The following DNAJB4 variants were observed in gnomAD, a reference collection of about 807,000 sequenced individuals.
The protein encoded by DNAJB4 is dnaJ homolog subfamily B member 4.
Under a neutral mutation model 26.6 loss-of-function variants are expected in DNAJB4, and 10 were observed. The ratio of observed to expected loss-of-function variants is 0.38; its 90% CI spans 0.23 to 0.64. DNAJB4 has a LOEUF of 0.64. Ranked by LOEUF, DNAJB4 falls within the 30% of genes least tolerant of loss-of-function variation. DNAJB4 has a pLI of 0.58. For synonymous variants in DNAJB4, 136 were observed against 134.8 expected (o/e 1.01, Z -0.06); for missense variants, 328 against 408.2 (o/e 0.80, Z 1.69).
At position 78,005,338 on chromosome 1, in the gene DNAJB4, T is replaced by C; in HGVS notation, c.211+17T>C. ...GGGAGGAAGGTAAGTATTCTCTGTATATCTTTCTGTCTCTTCAGCTCTGTC... is the reference window on the plus strand; with the variant it reads ...GGGAGGAAGGTAAGTATTCTCTGTACATCTTTCTGTCTCTTCAGCTCTGTC... On this transcript the variant is annotated intron_variant, in intron 1 of 2. Transcript: ENST00000370763. 6.3e-7 allele frequency: 1 copy of C among 1,587,950 alleles called. No individual in the cohort carries two copies. The highest frequency in any genetic ancestry group is 8.6e-7 in the Non-Finnish European group (1 of 1,169,172).
intron 1 of DNAJB4, 81 bp from the exon 2 acceptor site, chr1:78,012,970 T>C (rs1038219581): frequency 1.5e-6 from 2 of 1,303,380 alleles, no homozygotes; most frequent in African/African-American, 3.0e-5. Context: ...TTAGCCAAAA[T>C]TTATTAGCAA....
chr1:78,013,007 A>G (rs1660531977), intron 1 of DNAJB4, 44 bp from the exon 2 acceptor site: 1 of 1,496,184 alleles, frequency 6.7e-7, no homozygotes, highest in African/African-American at 1.4e-5. Flanking sequence ...TTAACTTTTA[A>G]GAGTTGCAAG....
chr1:78,007,045 C>A (rs1376785534), intron 1 of DNAJB4, among the ~76,000 whole-genome samples: 1 of 152,110 alleles, frequency 6.6e-6, no homozygotes, highest in East Asian at 1.9e-4. Context: ...CTTGATTTAA[C>A]ATTATCTCTT....
rs1052474896 is a variant in DNAJB4, at chr1:77,999,384, C to T, written c.-31-5696C>T. Among the ~76,000 whole-genome samples, 3 of 150,488 alleles carry T rather than the reference C, an allele frequency of 2.0e-5. No individual in the cohort carries two copies. In the East Asian group the frequency reaches 5.8e-4, roughly 29 times the overall value. On this transcript the variant is annotated intron_variant, in intron 1 of 2. Coordinates refer to the DNAJB4 transcript ENST00000426517. ...AAAGCATATGGAAGTATTTTATAAA[C>T]TGTAAAGTATTATATAAATGTTATT...
At chr1:78,010,441 A>G (rs537561348) in intron 1 of DNAJB4, among the ~76,000 whole-genome samples, 1 of 152,322 alleles carries the variant, frequency 6.6e-6, no homozygotes, top group African/African-American at 2.4e-5. Flanking sequence ...TACTACTAAA[A>G]TTTATAAAAG....
upstream of DNAJB4, among the ~76,000 whole-genome samples, chr1:78,001,699 T>A (rs1333041102): frequency 2.6e-5 from 4 of 152,202 alleles, no homozygotes; most frequent in Non-Finnish European, 5.9e-5. Context: ...TTTAAAAAAA[T>A]TAGTTTTTAG....
At chr1:77,999,430 G>GTTT (rs35421680) in intron 1 of DNAJB4, among the ~76,000 whole-genome samples, 2 of 145,138 alleles carry the variant, frequency 1.4e-5, no homozygotes, top group Admixed American at 6.9e-5. Context: ...CATAGAACAG[G>GTTT]TTTTTTTTTT....
In DNAJB4 at chr1:77,992,017, TA is replaced by T. The variant is rs1375872973; in HGVS notation, c.-32+11696del. ...CAGGAACCTAACACTGTATTTCCCT[TA>T]GGGGCAGTGATTCACTATTCTCTAA... is the stretch of plus-strand genomic sequence containing the variant. On this transcript the variant is annotated intron_variant, in intron 1 of 2. Coordinates refer to the DNAJB4 transcript ENST00000426517. Among the ~76,000 whole-genome samples the T allele has an allele frequency of 3.9e-5, 6 of 152,306 alleles. No homozygotes were observed. In the East Asian group the frequency reaches 1.2e-3, roughly 29 times the overall value.
intron 1 of DNAJB4, among the ~76,000 whole-genome samples, chr1:77,997,891 G>A (rs911017267): frequency 3.3e-5 from 5 of 152,032 alleles, no homozygotes; most frequent in African/African-American, 1.2e-4. Flanking sequence ...AGGCCCAAAT[G>A]ATCCTTTCAC....
intron 2 of DNAJB4, among the ~76,000 whole-genome samples, chr1:78,015,395 C>G (rs915464112): frequency 6.6e-6 from 1 of 151,566 alleles, no homozygotes; most frequent in Admixed American, 6.6e-5. Flanking sequence ...CCATGTCATT[C>G]CAGGGCAATG....
chr1:77,980,741 G>C (rs1659585479), intron 1 of DNAJB4, among the ~76,000 whole-genome samples: 1 of 152,082 alleles, frequency 6.6e-6, no homozygotes, highest in Non-Finnish European at 1.5e-5. Context: ...ATTTGCTTAA[G>C]CACCAAAATA....
At chr1:78,000,424 AAGTCCAAGGTCTTAC>A (rs1453008496), upstream of DNAJB4, among the ~76,000 whole-genome samples, 3 of 152,182 alleles carry the variant, frequency 2.0e-5, no homozygotes, top group African/African-American at 7.2e-5. Context: ...AGAGAGATTT[AAGTCCAAGGTCTTAC>A]AGCTGTAAGT....
In DNAJB4 at chr1:78,005,102, G is replaced by A; in HGVS notation, c.-9G>A. 2.5e-6 allele frequency: 4 copies of A among 1,609,350 alleles called. No individual in the cohort carries two copies. The highest frequency in any genetic ancestry group is 3.4e-6 in the Non-Finnish European group (4 of 1,178,102). On this transcript the variant is annotated 5_prime_UTR_variant, in exon 1 of 3. Coordinates refer to ENST00000370763, the MANE Select transcript of DNAJB4 (RefSeq NM_007034.5). Reference sequence around the variant, plus strand: ...AAGGGAAATCTAAGTTAATTTCAAGGCATTCGAAATGGGGAAAGACTATTA... The same window carrying A: ...AAGGGAAATCTAAGTTAATTTCAAGACATTCGAAATGGGGAAAGACTATTA...
chr1:78,015,969 T>G, intron 2 of DNAJB4, 45 bp from the exon 3 acceptor site: 35 of 1,523,758 alleles, frequency 2.3e-5, no homozygotes, highest in Non-Finnish European at 3.0e-5. Context: ...CTTAGATTTT[T>G]GAGTTTTGAA....
upstream of DNAJB4, among the ~76,000 whole-genome samples, chr1:78,003,250 TA>T (rs1235469765): frequency 6.6e-6 from 1 of 152,194 alleles, no homozygotes; most frequent in Non-Finnish European, 1.5e-5. Flanking sequence ...GGTGACTGGA[TA>T]TTAGCATTTT....
At chr1:77,992,427 A>G (rs1659954018) in intron 1 of DNAJB4, among the ~76,000 whole-genome samples, 1 of 150,398 alleles carries the variant, frequency 6.6e-6, no homozygotes, top group Non-Finnish European at 1.5e-5. Flanking sequence ...AAAAAAAAAA[A>G]AAAAAAAAAA....
intron 1 of DNAJB4, among the ~76,000 whole-genome samples, chr1:77,999,855 C>T (rs1660150628): frequency 6.6e-6 from 1 of 151,946 alleles, no homozygotes; most frequent in Non-Finnish European, 1.5e-5. Context: ...TTGTACTAGC[C>T]CTCTAAGAGG....
At position 78,016,625 on chromosome 1, in the gene DNAJB4, A is replaced by T. The variant is rs1660649280; in HGVS notation, c.*378A>T. Reference sequence around the variant, plus strand: ...GTTCCCATTTATAATGGAAATGAAAATTCTTAACTAAACTATACATGTAAT... The same window carrying T: ...GTTCCCATTTATAATGGAAATGAAATTTCTTAACTAAACTATACATGTAAT... On this transcript the variant is annotated 3_prime_UTR_variant, in exon 3 of 3. Coordinates refer to ENST00000370763, the MANE Select transcript of DNAJB4 (RefSeq NM_007034.5). 1 of 175,576 alleles carries T rather than the reference A, an allele frequency of 5.7e-6. No homozygotes were observed. Among genetic ancestry groups the T allele is most frequent in the Non-Finnish European group, 1.2e-5 (1 of 83,546 alleles). 10.9% of individuals were successfully genotyped at this position (175,576 alleles called of 1,614,324 possible). A position where few individuals can be genotyped will look rare whatever the true frequency, so the allele number is the denominator to read the frequency against.
intron 1 of DNAJB4, among the ~76,000 whole-genome samples, chr1:77,992,412 C>CAAAAAAAAAAAAAAAAA (rs67649336): frequency 4.2e-5 from 2 of 47,738 alleles, no homozygotes; most frequent in Non-Finnish European, 7.1e-5. Context: ...GACTCCGTCT[C>CAAAAAAAAAAAAAAAAA]AAAAAAAAAA....
Sources: allele counts gnomAD v4.1 joint callset (sites outside exome capture counted in the v4.1 genomes callset), GRCh38; gene constraint gnomAD v4.1.1; transcripts MANE v1.5; gene names NCBI Gene and HGNC (gene_info 2026-07-23, HGNC 2026-07-21).